ZNF248: variants seen among roughly 807,000 people sequenced by gnomAD.
The protein encoded by ZNF248 is KRAB protein domain.
A neutral mutation model predicts 44.3 loss-of-function variants in ZNF248; 20 were observed. That is an observed-to-expected ratio of 0.45 (90% CI 0.32 to 0.66). The LOEUF is 0.66. ZNF248 is among the 30% of genes least tolerant of loss of function. ZNF248 has a pLI of 0.04. For synonymous variants in ZNF248, 224 were observed against 229.0 expected (o/e 0.98, Z 0.20); for missense variants, 654 against 677.0 (o/e 0.97, Z 0.38).
At chr10:37,776,524 CCTT>C (rs2046598261) in exon 7 of ZNF248, 8 of 398,426 alleles carry the variant, frequency 2.0e-5, no homozygotes, top group East Asian at 2.9e-4. Context: ...TCCTAGGGCG[CCTT>C]CTTCTTACTT....
intron 6 of ZNF248, among the ~76,000 whole-genome samples, chr10:37,800,324 T>A (rs1481272614): frequency 6.6e-6 from 1 of 152,138 alleles, no homozygotes; most frequent in African/African-American, 2.4e-5. Flanking sequence ...TGTGTTCATG[T>A]GTACTCAATG....
intron 6 of ZNF248, among the ~76,000 whole-genome samples, chr10:37,793,608 C>A (rs1305902094): frequency 1.3e-5 from 2 of 152,074 alleles, no homozygotes; most frequent in African/African-American, 4.8e-5. Context: ...ATATTAAGGG[C>A]AAATATATTC....
intron 6 of ZNF248, among the ~76,000 whole-genome samples, chr10:37,798,326 G>A (rs2049391560): frequency 6.6e-6 from 1 of 152,070 alleles, no homozygotes; most frequent in Non-Finnish European, 1.5e-5. Context: ...TGGCTATGGG[G>A]TTTCTTTTGA....
the ZNF248 span, among the ~76,000 whole-genome samples, chr10:37,769,154 C>G: frequency 6.6e-6 from 1 of 152,124 alleles, no homozygotes; most frequent in Non-Finnish European, 1.5e-5. Context: ...AAAAAAAGTC[C>G]AGAACCAGAA....
In ZNF248 at chr10:37,833,114, T is replaced by C; in HGVS notation, c.241A>G (p.Arg81Gly). Residue 81 changes from arginine to glycine, a missense_variant and splice_region_variant, in exon 6 of 6, where the codon AGG becomes GGG. Coordinates refer to ENST00000395867, the MANE Select transcript of ZNF248 (RefSeq NM_021045.3). ...AACACGTCATCAACTTTCCATTTCC[T>C]TTCTAGAAATGAGAAAAATAACCAC... ...KGFPSQCHPE[R>G]KWKVDDVLES... is the part of the protein sequence containing the mutation. The C allele has an allele frequency of 6.3e-7, 1 of 1,575,146 alleles. No individual in the cohort carries two copies. The highest frequency in any genetic ancestry group is 8.6e-7 in the Non-Finnish European group (1 of 1,166,574).
chr10:37,831,501 C>CA lies in ZNF248; in HGVS notation c.*113dup. ...TTTTAATTTTTCTTGAAAGCTTTTA[C>CA]ATATTCAAACAAGAAGTCATTTTCT... On this transcript the variant is annotated 3_prime_UTR_variant, in exon 6 of 6. Coordinates refer to ENST00000395867, the MANE Select transcript of ZNF248 (RefSeq NM_021045.3). The CA allele has an allele frequency of 6.8e-7, 1 of 1,469,612 alleles. No homozygotes were observed. Among genetic ancestry groups the CA allele is most frequent in the Non-Finnish European group, 9.0e-7 (1 of 1,112,244 alleles). The allele number at this position is 1,469,612 out of a possible 1,614,324, so 91.0% of individuals were successfully genotyped here.
At chr10:37,839,960 A>G (rs1220695449) in intron 3 of ZNF248, among the ~76,000 whole-genome samples, 4 of 152,236 alleles carry the variant, frequency 2.6e-5, no homozygotes, top group African/African-American at 9.6e-5. Context: ...ACTTAATGCA[A>G]TAGCTATCAT....
chr10:37,831,809 C>G lies in ZNF248; in HGVS notation c.1546G>C (p.Gly516Arg). Residue 516 changes from glycine (G) to arginine (R), a missense_variant, in exon 6 of 6, where the codon GGG (glycine) becomes CGG (arginine). Coordinates refer to ENST00000395867, the MANE Select transcript of ZNF248 (RefSeq NM_021045.3). ...NLIVHQRTHT[G>R]EKPYKCNECG... ...TCATTACACTTATATGGTTTCTCCCCAGTGTGAGTTCTTTGATGTACAATG... is the reference window on the plus strand; with the variant it reads ...TCATTACACTTATATGGTTTCTCCCGAGTGTGAGTTCTTTGATGTACAATG... 6.2e-7 allele frequency: 1 copy of G among 1,613,232 alleles called. No individual in the cohort carries two copies. The highest frequency in any genetic ancestry group is 8.5e-7 in the Non-Finnish European group (1 of 1,179,396).
chr10:37,833,024 C>T lies in ZNF248; in HGVS notation c.331G>A (p.Val111Ile), dbSNP rs897900650. 1.9e-6 allele frequency: 3 copies of T among 1,613,538 alleles called. No individual in the cohort carries two copies. The highest frequency in any genetic ancestry group is 2.7e-5 in the African/African-American group (2 of 74,898). ...CCTCTATCTCCATTTTCTACACTTA[C>T]TGTTTTGTTGTTGTGGAATAGAAGC... ...WELLFHNNKT[V>I]SVENGDRGSK... The change falls in exon 6 of 6, where the codon GTA becomes ATA. Residue 111 changes from valine to isoleucine, a missense_variant. Transcript: ENST00000395867.
At chr10:37,792,899 A>C (rs2048724912) in intron 6 of ZNF248, among the ~76,000 whole-genome samples, 2 of 152,172 alleles carry the variant, frequency 1.3e-5, no homozygotes. Flanking sequence ...TGAAATCCAA[A>C]CAAAATTTTT....
At chr10:37,818,757 C>G in intron 6 of ZNF248, 1 of 693,768 alleles carries the variant, frequency 1.4e-6, no homozygotes. Context: ...TTTGGTAGGC[C>G]AAACATCGTC....
intron 3 of ZNF248, among the ~76,000 whole-genome samples, chr10:37,850,535 A>T (rs1445972918): frequency 2.6e-5 from 4 of 152,236 alleles, no homozygotes; most frequent in Non-Finnish European, 4.4e-5. Context: ...TGTGTTCAAT[A>T]TTAAACCTTA....
chr10:37,773,083 C>T (rs754878005), downstream of ZNF248, among the ~76,000 whole-genome samples: 3 of 152,036 alleles, frequency 2.0e-5, no homozygotes, highest in African/African-American at 7.3e-5. Flanking sequence ...CCCGTCCCTA[C>T]TAAAATACAA....
intron 6 of ZNF248, among the ~76,000 whole-genome samples, chr10:37,822,869 G>A (rs973316835): frequency 6.6e-6 from 1 of 152,134 alleles, no homozygotes; most frequent in Non-Finnish European, 1.5e-5. Flanking sequence ...CCACAGGTTA[G>A]ACAAGCCTGA....
intron 6 of ZNF248, among the ~76,000 whole-genome samples, chr10:37,777,767 T>C (rs1325996986): frequency 6.7e-6 from 1 of 148,890 alleles, no homozygotes; most frequent in East Asian, 2.0e-4. Flanking sequence ...TTCCCACTTA[T>C]GAGTGAGAAT....
At chr10:37,763,167 G>A in the ZNF248 span, among the ~76,000 whole-genome samples, 1 of 152,114 alleles carries the variant, frequency 6.6e-6, no homozygotes, top group African/African-American at 2.4e-5. Context: ...AGGGGTCGGG[G>A]GCACCATGCC....
chr10:37,793,223 T>G (rs2048765391), intron 6 of ZNF248, among the ~76,000 whole-genome samples: 1 of 151,912 alleles, frequency 6.6e-6, no homozygotes, highest in Non-Finnish European at 1.5e-5. Context: ...TAGTCCCAGC[T>G]ACTCGGGAGG....
the ZNF248 span, among the ~76,000 whole-genome samples, chr10:37,771,413 AC>A: frequency 6.6e-6 from 1 of 152,212 alleles, no homozygotes; most frequent in Non-Finnish European, 1.5e-5. Flanking sequence ...AAAATGTGGC[AC>A]ATATACACCA....
At chr10:37,803,962 G>C (rs2050154974) in intron 6 of ZNF248, 1 of 152,586 alleles carries the variant, frequency 6.6e-6, no homozygotes, top group African/African-American at 2.4e-5. Context: ...AACAATGTTG[G>C]GTTTTAGACA....
Sources: allele counts gnomAD v4.1 joint callset (sites outside exome capture counted in the v4.1 genomes callset), GRCh38; gene constraint gnomAD v4.1.1; transcripts MANE v1.5; gene names NCBI Gene and HGNC (gene_info 2026-07-23, HGNC 2026-07-21).